ERCC5: variants seen among roughly 807,000 people sequenced by gnomAD.
The protein encoded by ERCC5 is DNA excision repair protein ERCC-5.
A neutral mutation model predicts 105.6 loss-of-function variants in ERCC5; 68 were observed. The ratio of observed to expected loss-of-function variants is 0.64; its 90% CI spans 0.53 to 0.79. The LOEUF is 0.79. ERCC5 is among the 30% of genes least tolerant of loss of function. The pLI is 0.00. For synonymous variants in ERCC5, 546 were observed against 526.2 expected (o/e 1.04, Z -0.51); for missense variants, 1,373 against 1,426.7 (o/e 0.96, Z 0.61).
In ERCC5 at chr13:102,875,835, G is replaced by T; in HGVS notation, c.3493G>T (p.Ala1165Ser). ...GAAAGAGAAGATGGTCCTCGTGACCGCCAGATCTGTGTTTGGGAAGAAAAG... is the reference window on the plus strand; with the variant it reads ...GAAAGAGAAGATGGTCCTCGTGACCTCCAGATCTGTGTTTGGGAAGAAAAG... ...GGKEKMVLVT[A>S]RSVFGKKRRK... Residue 1165 changes from alanine to serine, a missense_variant, in exon 15 of 15, where the codon GCC becomes TCC. By Grantham distance (99) the Ala-to-Ser change is moderately conservative. Coordinates refer to ENST00000652225, the MANE Select transcript of ERCC5 (RefSeq NM_000123.4). The T allele has an allele frequency of 6.2e-7, 1 of 1,613,134 alleles. No individual in the cohort carries two copies. The highest frequency in any genetic ancestry group is 8.5e-7 in the Non-Finnish European group (1 of 1,179,984).
At position 102,861,234 on chromosome 13, in the gene ERCC5, CCATCT is replaced by C. The variant is rs4150310; in HGVS notation, c.673-271_673-267del. ...GAACTCCTGACCTCCGGTGGTCCAC[CCATCT>C]CGGCCTCCCAAAGTGCTAGGATTAC... On this transcript the variant is annotated intron_variant, in intron 6 of 14. Coordinates refer to ENST00000652225, the MANE Select transcript of ERCC5 (RefSeq NM_000123.4). Among the ~76,000 whole-genome samples, 394 of 152,196 alleles carry C rather than the reference CCATCT, an allele frequency of 2.6e-3. 2 individuals carry two copies. The highest frequency in any genetic ancestry group is 9.0e-3 in the African/African-American group (375 of 41,526).
chr13:102,862,541 G>C lies in ERCC5; in HGVS notation c.1392G>C (p.Gly464=), dbSNP rs768863691. Residue 464 remains glycine (G), a synonymous_variant, in exon 8 of 15, where the codon GGG becomes GGC. Transcript: ENST00000652225. ...AGCACGTAGCCAGCACTAATGAGGG[G>C]AGAGAGCCCACAGACTCAGTTCCAA... ...AEEHVASTNE[G]REPTDSVPKE... The C allele has an allele frequency of 8.7e-6, 14 of 1,614,054 alleles. No individual in the cohort carries two copies. Among genetic ancestry groups the C allele is most frequent in the Non-Finnish European group, 6.8e-6 (8 of 1,180,042 alleles).
At chr13:102,852,489 G>A (rs1882245108) in intron 2 of ERCC5, among the ~76,000 whole-genome samples, 196 bp downstream of exon 2, 1 of 152,120 alleles carries the variant, frequency 6.6e-6, no homozygotes, top group African/African-American at 2.4e-5. Flanking sequence ...AGTTCATCAT[G>A]GGTACAATGA....
At chr13:102,852,420 T>A in intron 2 of ERCC5, 127 bp downstream of exon 2, 1 of 1,022,586 alleles carries the variant, frequency 9.8e-7, no homozygotes. Flanking sequence ...GACACATACT[T>A]AATTACATCT....
chr13:102,875,550 C>G lies in ERCC5; in HGVS notation c.3208C>G (p.Leu1070Val). The G allele has an allele frequency of 6.2e-7, 1 of 1,613,040 alleles. No individual in the cohort carries two copies. Among genetic ancestry groups the G allele is most frequent in the South Asian group, 1.1e-5 (1 of 90,778 alleles). Residue 1070 changes from leucine (L) to valine (V), a missense_variant, in exon 15 of 15, where the codon CTG (leucine) becomes GTG (valine). Physicochemically the swap from Leu to Val is conservative, Grantham distance 32. Coordinates refer to ENST00000652225, the MANE Select transcript of ERCC5 (RefSeq NM_000123.4). ...ITNTLEESSSLKRKRLSDSKG... is the reference protein window; with the variant it reads ...ITNTLEESSSVKRKRLSDSKG... ...AAATACCTTAGAAGAGTCATCAAGC[C>G]TGAAAAGAAAGAGGCTTTCAGATTC...
chr13:102,862,356 G>A lies in ERCC5; in HGVS notation c.1207G>A (p.Val403Met). Residue 403 changes from valine (V) to methionine (M), a missense_variant, in exon 8 of 15, where the codon GTG (valine) becomes ATG (methionine). Physicochemically the swap from Val to Met is conservative, Grantham distance 21. This residue lies in a region of ERCC5 where 1,004 missense variants were observed against 1,059.7 expected (regional missense o/e 0.95). Coordinates refer to ENST00000652225, the MANE Select transcript of ERCC5 (RefSeq NM_000123.4). ...TCTTGACGATGACGAAGATGTAAAA[G>A]TGTGTGCTGGGGATGATGTGCAGAC... ...RALDDDEDVK[V>M]CAGDDVQTGG... The A allele has an allele frequency of 1.2e-6, 2 of 1,614,202 alleles. No homozygotes were observed. Among genetic ancestry groups the A allele is most frequent in the South Asian group, 1.1e-5 (1 of 91,080 alleles).
At chr13:102,861,327 G>T (rs2140525967) in intron 6 of ERCC5, among the ~76,000 whole-genome samples, 180 bp from the exon 7 acceptor site, 1 of 152,088 alleles carries the variant, frequency 6.6e-6, no homozygotes, top group Non-Finnish European at 1.5e-5. Context: ...CTCTTTCGAA[G>T]ATTATTTTTT....
chr13:102,854,452 A>G (rs1276226356), intron 4 of ERCC5, 78 bp downstream of exon 4: 16 of 1,373,418 alleles, frequency 1.2e-5, no homozygotes, highest in Middle Eastern at 3.7e-4. Context: ...TGTGTTATCT[A>G]CATGATAAGG....
intron 11 of ERCC5, 142 bp from the exon 12 acceptor site, chr13:102,867,971 A>G (rs1400860533): frequency 1.2e-6 from 1 of 867,116 alleles, no homozygotes. Flanking sequence ...TGAATAAAAT[A>G]ATTTATTTTC....
At position 102,865,623 on chromosome 13, in the gene ERCC5, A is replaced by G. The variant is rs752099829; in HGVS notation, c.1955-44A>G. 14 of 1,608,224 alleles carry G rather than the reference A, an allele frequency of 8.7e-6. No individual in the cohort carries two copies. In the South Asian group the frequency reaches 1.4e-4, roughly 17 times the overall value. On this transcript the variant is annotated intron_variant, in intron 8 of 14. Coordinates refer to ENST00000652225, the MANE Select transcript of ERCC5 (RefSeq NM_000123.4). The surrounding 1 kb of genome is among the most constrained non-coding windows in gnomAD (Gnocchi z 4.0). ...CTCTTGATGATTGCAGGATCATTTT[A>G]ATGTTTTGATTGTAGATGAAGTGAC...
rs137877463 is a variant in ERCC5 at position 102,862,647 on chromosome 13, C to T, written c.1498C>T (p.Arg500Trp). 73 of 1,614,092 alleles carry T rather than the reference C, an allele frequency of 4.5e-5. No homozygotes were observed. The East Asian group carries it at 9.4e-4, about 21-fold the overall frequency. ...GTCTATGATTAAGGACAGAAAAGAT[C>T]GGCTGCCTCTGGAGAGTGCAGTGGT... ...DESMIKDRKDRLPLESAVVRH... is the reference protein window; with the variant it reads ...DESMIKDRKDWLPLESAVVRH... Residue 500 changes from arginine to tryptophan, a missense_variant, in exon 8 of 15, where the codon CGG (arginine) becomes TGG (tryptophan). Around this residue, in one of 3 missense-constraint regions of ERCC5, gnomAD observed 1,004 missense variants for 1,059.7 expected, o/e 0.95. Coordinates refer to ENST00000652225, the MANE Select transcript of ERCC5 (RefSeq NM_000123.4).
At chr13:102,860,091 A>G (rs564312140) in intron 6 of ERCC5, among the ~76,000 whole-genome samples, 2 of 152,278 alleles carry the variant, frequency 1.3e-5, no homozygotes, top group East Asian at 3.9e-4. Flanking sequence ...TGATCAGATC[A>G]ACTGTCGCGA....
intron 2 of ERCC5, among the ~76,000 whole-genome samples, chr13:102,853,139 G>T (rs1882267635): frequency 6.6e-6 from 1 of 152,160 alleles, no homozygotes; most frequent in Non-Finnish European, 1.5e-5. Flanking sequence ...AGAGTGTCTA[G>T]TCTTGAATGT....
At position 102,862,879 on chromosome 13, in the gene ERCC5, T is replaced by G. The variant is rs1345560089; in HGVS notation, c.1730T>G (p.Val577Gly). 2.5e-6 allele frequency: 4 copies of G among 1,614,212 alleles called. No homozygotes were observed. The South Asian group carries it at 4.4e-5, about 18-fold the overall frequency. ...TKCKPNSASE[V>G]IGPVSLQETS... is the part of the protein sequence containing the mutation. The stretch of plus-strand genomic sequence containing the variant: ...TGTAAACCGAATTCTGCTTCTGAAG[T>G]CATTGGCCCTGTCAGTTTGCAAGAA... Residue 577 changes from valine (V) to glycine (G), a missense_variant, in exon 8 of 15, where the codon GTC becomes GGC. Around this residue, in one of 3 missense-constraint regions of ERCC5, gnomAD observed 1,004 missense variants for 1,059.7 expected, o/e 0.95. Coordinates refer to ENST00000652225, the MANE Select transcript of ERCC5 (RefSeq NM_000123.4).
Position 102,875,969 on chromosome 13 carries a change from G to C in ERCC5, c.*66G>C. 1 of 1,574,808 alleles carries C rather than the reference G, an allele frequency of 6.3e-7. No homozygotes were observed. Among genetic ancestry groups the C allele is most frequent in the African/African-American group, 1.4e-5 (1 of 73,662 alleles). On this transcript the variant is annotated 3_prime_UTR_variant, in exon 15 of 15. Transcript: ENST00000652225. ...TTTGTAATGAATTTGTCGCAAAGAC[G>C]TAATAAAATTAACTGGTGGCACGGT...
chr13:102,858,349 G>A lies in ERCC5; in HGVS notation c.603G>A (p.Lys201=), dbSNP rs747184896. The change falls in exon 6 of 15, where the codon AAG becomes AAA. Residue 201 remains lysine (K), a synonymous_variant. Coordinates refer to ENST00000652225, the MANE Select transcript of ERCC5 (RefSeq NM_000123.4). ...TCAGCAGCCTGCCCCCTGAAGTAAA[G>A]CATGAAATCTTGACTGATATGAAAG... is the stretch of plus-strand genomic sequence containing the variant. ...EDFSSLPPEV[K]HEILTDMKEF... is the part of the protein sequence containing the mutation. 2.5e-6 allele frequency: 4 copies of A among 1,614,002 alleles called. No individual in the cohort carries two copies. The highest frequency in any genetic ancestry group is 1.6e-4 in the Middle Eastern group (1 of 6,084).
At chr13:102,846,426 G>T in intron 1 of ERCC5, 72 bp downstream of exon 1, 1 of 1,312,048 alleles carries the variant, frequency 7.6e-7, no homozygotes, top group East Asian at 2.4e-5. Flanking sequence ...GCTCTGCCTT[G>T]GGCACAGTGG....
At chr13:102,849,193 A>T (rs1293602835) in intron 1 of ERCC5, 5 of 518,886 alleles carry the variant, frequency 9.6e-6, no homozygotes, top group Non-Finnish European at 1.9e-5. Flanking sequence ...TACCTCTGAG[A>T]TGTATCTTTT....
rs574157353 is a variant in ERCC5, at chr13:102,874,948, T to C, written c.2965-359T>C. On this transcript the variant is annotated intron_variant, in intron 14 of 14. Coordinates refer to ENST00000652225, the MANE Select transcript of ERCC5 (RefSeq NM_000123.4). Reference sequence around the variant, plus strand: ...TGATAATGTTTTTAAAAGAAAGATATAGTAGGACTTAGAAACAGGCCCCAT... The same window carrying C: ...TGATAATGTTTTTAAAAGAAAGATACAGTAGGACTTAGAAACAGGCCCCAT... The C allele has an allele frequency of 1.7e-5, 4 of 231,004 alleles. 1 individual carries two copies. The highest frequency in any genetic ancestry group is 1.0e-4 in the East Asian group (1 of 9,746). 14.3% of individuals were successfully genotyped at this position (231,004 alleles called of 1,614,324 possible). A position where few individuals can be genotyped will look rare whatever the true frequency, so the allele number is the denominator to read the frequency against.
Sources: gnomAD v4.1 joint callset for allele counts (sites outside exome capture counted in the v4.1 genomes callset) on GRCh38, gnomAD v4.1.1 for gene constraint, gnomAD v4.1.1 regional missense constraint, Gnocchi (gnomAD v3.1) non-coding constraint, MANE v1.5 for transcripts, NCBI Gene and HGNC (gene_info 2026-07-23, HGNC 2026-07-21) for gene names.